Variants in FXYD1 observed in about 807,000 individuals in gnomAD.
FXYD1 encodes phospholemman.
A neutral mutation model predicts 17.2 loss-of-function variants in FXYD1; 9 were observed. The ratio of observed to expected loss-of-function variants is 0.52; its 90% confidence interval spans 0.32 to 0.91. The LOEUF (loss-of-function observed/expected upper bound fraction) is 0.91. FXYD1 is among the 40% of genes least tolerant of loss of function. The pLI, the probability that FXYD1 is intolerant of heterozygous loss-of-function variation, is 0.04. For synonymous variants in FXYD1, 55 were observed against 45.8 expected (o/e 1.20, Z -0.81); for missense variants, 113 against 120.6 (o/e 0.94, Z 0.29).
At chr19:35,139,881 C>T (rs1454027313) in intron 1 of FXYD1, 195 bp from the exon 2 acceptor site, 3 of 575,012 alleles carry the variant, frequency 5.2e-6, no homozygotes, top group South Asian at 1.9e-5. Flanking sequence ...GTGATCCCAT[C>T]GTGGAGGTTG....
intron 1 of FXYD1, 27 bp downstream of exon 1, chr19:35,138,921 A>C (rs1437427316): frequency 3.3e-5 from 5 of 152,396 alleles, no homozygotes; most frequent in African/African-American, 7.2e-5. Flanking sequence ...CCTTCCCTCC[A>C]GGCCTCACCC....
At chr19:35,140,567 A>G in intron 2 of FXYD1, 30 bp from the exon 3 acceptor site, 1 of 1,610,680 alleles carries the variant, frequency 6.2e-7, no homozygotes, top group Non-Finnish European at 8.5e-7. Context: ...CCCAGGAAGC[A>G]TTCAACCCCT....
intron 4 of FXYD1, 59 bp downstream of exon 4, chr19:35,141,265 G>GC (rs2065250390): frequency 5.7e-6 from 2 of 349,372 alleles, no homozygotes; most frequent in Non-Finnish European, 8.7e-6. Flanking sequence ...CCTCTCTCTG[G>GC]CCCCGCCTCT....
In FXYD1 at chr19:35,142,646, C is replaced by A. The variant is rs893373962; in HGVS notation, c.257-74C>A. The A allele has an allele frequency of 5.1e-6, 8 of 1,559,128 alleles. No individual in the cohort carries two copies. In the East Asian group the frequency reaches 1.6e-4, roughly 31 times the overall value. ...GAAAGCGGAGGGCGGGGAGTTGCCC[C>A]GCCGCGGGCCCCACCTGCCCAGGAG... On this transcript the variant is annotated intron_variant, in intron 6 of 7. Transcript: ENST00000351325.
In FXYD1 at chr19:35,142,712, C is replaced by T. The variant is rs200871076; in HGVS notation, c.257-8C>T. 4.3e-6 allele frequency: 7 copies of T among 1,612,694 alleles called. No individual in the cohort carries two copies. Among genetic ancestry groups the T allele is most frequent in the East Asian group, 2.2e-5 (1 of 44,834 alleles). On this transcript the variant is annotated splice_region_variant and splice_polypyrimidine_tract_variant and intron_variant, in intron 6 of 7. Coordinates refer to ENST00000351325, the MANE Select transcript of FXYD1 (RefSeq NM_021902.4). ...CAGAATGACCCCCGATCTCCGTGTTCCCCCCAGGTCTGTCCACCCGCAGGC... is the reference window on the plus strand; with the variant it reads ...CAGAATGACCCCCGATCTCCGTGTTTCCCCCAGGTCTGTCCACCCGCAGGC...
At chr19:35,142,887 C>G in intron 7 of FXYD1, 30 bp from the exon 8 acceptor site, 5 of 748,534 alleles carry the variant, frequency 6.7e-6, no homozygotes, top group Admixed American at 2.1e-5. Flanking sequence ...GGACGTCCCC[C>G]CTCGCCTCTC....
rs755587482 is a variant in FXYD1, at chr19:35,142,699, C to T, written c.257-21C>T. ...GGGGATGCCTCTCCAGAATGACCCC[C>T]GATCTCCGTGTTCCCCCCAGGTCTG... On this transcript the variant is annotated intron_variant, in intron 6 of 7. Coordinates refer to ENST00000351325, the MANE Select transcript of FXYD1 (RefSeq NM_021902.4). 3 of 1,613,194 alleles carry T rather than the reference C, an allele frequency of 1.9e-6. No homozygotes were observed. In the East Asian group the frequency reaches 6.7e-5, roughly 36 times the overall value.
intron 3 of FXYD1, 33 bp downstream of exon 3, chr19:35,140,662 G>C: frequency 6.2e-7 from 1 of 1,603,326 alleles, no homozygotes; most frequent in South Asian, 1.1e-5. Flanking sequence ...AGTCCTGGGG[G>C]AGAGCCTGGC....
chr19:35,140,627 A>ACGGTGAG lies in FXYD1; in HGVS notation c.94+2_94+8dup. 6.2e-7 allele frequency: 1 copy of ACGGTGAG among 1,613,364 alleles called. No individual in the cohort carries two copies. Among genetic ancestry groups the ACGGTGAG allele is most frequent in the South Asian group, 1.1e-5 (1 of 91,058 alleles). On this transcript the variant is annotated frameshift_variant and splice_region_variant, in exon 3 of 8. Transcript: ENST00000351325. LOFTEE classifies it high-confidence loss of function. ...CCAAAGGAACACGACCCGTTCACTTACGGTGAGCGGGGGGTCTAATTTTGA... is the reference window on the plus strand; with the variant it reads ...CCAAAGGAACACGACCCGTTCACTTACGGTGAGCGGTGAGCGGGGGGTCTAATTTTGA...
At chr19:35,141,434 T>TC (rs1019301708) in intron 4 of FXYD1, 102 bp from the exon 5 acceptor site, 3 of 812,418 alleles carry the variant, frequency 3.7e-6, no homozygotes, top group Admixed American at 2.3e-5. Flanking sequence ...CCCCGCCCCG[T>TC]CCCCCAAGCC....
At chr19:35,139,807 G>A (rs1373813813) in intron 1 of FXYD1, 6 of 403,828 alleles carry the variant, frequency 1.5e-5, no homozygotes, top group East Asian at 1.4e-4. Flanking sequence ...GGAGGTGGAG[G>A]CCCAAGGGAG....
At chr19:35,141,249 GC>G in intron 4 of FXYD1, 43 bp downstream of exon 4, 1 of 1,107,058 alleles carries the variant, frequency 9.0e-7, no homozygotes, top group Non-Finnish European at 1.3e-6. Flanking sequence ...CCTCTCCCTG[GC>G]CCCACCTCTC....
rs1002736826 is a variant in FXYD1 at position 35,142,857 on chromosome 19, G to A, written c.*30-60G>A. ...GAGGGGGCCAAGTGCCAGAGTTGAA[G>A]GGCGGCGAGGGGTGGGGCTGGACGT... On this transcript the variant is annotated intron_variant, in intron 7 of 7. Transcript: ENST00000351325. 52 of 983,058 alleles carry A rather than the reference G, an allele frequency of 5.3e-5. No individual in the cohort carries two copies. In the African/African-American group the frequency reaches 6.4e-4, roughly 12 times the overall value. 60.9% of individuals were successfully genotyped at this position (983,058 alleles called of 1,614,324 possible).
At chr19:35,142,684 C>G in intron 6 of FXYD1, 36 bp from the exon 7 acceptor site, 1 of 1,612,136 alleles carries the variant, frequency 6.2e-7, no homozygotes, top group Non-Finnish European at 8.5e-7. Context: ...GGGGATGCCT[C>G]TCCAGAATGA....
At chr19:35,139,529 CCT>C (rs2065230713) in intron 1 of FXYD1, 1 of 155,012 alleles carries the variant, frequency 6.5e-6, no homozygotes, top group African/African-American at 2.4e-5. Context: ...TGCGTGACCC[CCT>C]GAGTGGGGGA....
At chr19:35,141,912 G>C (rs1281625592) in intron 5 of FXYD1, among the ~76,000 whole-genome samples, 2 of 152,252 alleles carry the variant, frequency 1.3e-5, no homozygotes, top group African/African-American at 2.4e-5. Flanking sequence ...TTAGAGTCTT[G>C]TTCCTAGCTC....
chr19:35,140,744 C>T (rs2065244068), intron 3 of FXYD1, 115 bp downstream of exon 3: 5 of 835,640 alleles, frequency 6.0e-6, no homozygotes, highest in Non-Finnish European at 9.9e-6. Flanking sequence ...ATTCTCCTTC[C>T]CTCTATTTTG....
intron 5 of FXYD1, 65 bp downstream of exon 5, chr19:35,141,637 G>C: frequency 7.5e-7 from 1 of 1,342,140 alleles, no homozygotes; most frequent in Non-Finnish European, 1.1e-6. Context: ...GGGTGAGGCG[G>C]GGAGTACCCC....
rs1420021081 is a variant in FXYD1, at chr19:35,141,889, G to A, written c.206+317G>A. Among the ~76,000 whole-genome samples the A allele has an allele frequency of 2.6e-5, 4 of 152,212 alleles. No individual in the cohort carries two copies. The East Asian group carries it at 5.8e-4, about 22-fold the overall frequency. On this transcript the variant is annotated intron_variant, in intron 5 of 7. Transcript: ENST00000351325. ...GGTGAAATGAGATCATCTCACACGC[G>A]GCCCAGTTTAGCTTAGAGTCTTGTT...
Sources: allele counts gnomAD v4.1 joint callset (sites outside exome capture counted in the v4.1 genomes callset), GRCh38; gene constraint gnomAD v4.1.1; transcripts MANE v1.5; gene names NCBI Gene and HGNC (gene_info 2026-07-23, HGNC 2026-07-21).